The following FSTL5 variants were observed in gnomAD, a reference collection of about 807,000 sequenced individuals.
FSTL5 encodes follistatin like 5.
In FSTL5, 62 loss-of-function variants were observed where a neutral mutation model predicts 89.1. That is an observed-to-expected ratio of 0.70 (90% CI 0.57 to 0.86). The LOEUF (loss-of-function observed/expected upper bound fraction) is 0.86, where lower values mean the gene tolerates loss of function less well. Ranked by LOEUF, FSTL5 falls within the 40% of genes least tolerant of loss-of-function variation. FSTL5 has a pLI of 0.00. For missense variants in FSTL5, 1,057 were observed against 1,001.6 expected, an observed-to-expected ratio of 1.06 and a Z score of -0.75; for synonymous variants, 383 against 346.2, an observed-to-expected ratio of 1.11 and a Z score of -1.18.
chr4:161,543,041 A>T (rs2126545722), intron 8 of FSTL5, among the ~76,000 whole-genome samples: 1 of 152,102 alleles, frequency 6.6e-6, no homozygotes, highest in East Asian at 1.9e-4. Flanking sequence ...GCACTGAAAT[A>T]ATTAGTAATT....
At chr4:161,636,273 GTTTC>G (rs1451557886) in intron 7 of FSTL5, among the ~76,000 whole-genome samples, 1 of 151,972 alleles carries the variant, frequency 6.6e-6, no homozygotes, top group Admixed American at 6.6e-5. Flanking sequence ...CTATGAAACT[GTTTC>G]TTTATTTTGA....
chr4:161,478,045 A>G (rs984349521), intron 13 of FSTL5, among the ~76,000 whole-genome samples: 1 of 152,076 alleles, frequency 6.6e-6, no homozygotes, highest in Non-Finnish European at 1.5e-5. Context: ...ATACACACAC[A>G]TAAACTCACA....
chr4:161,606,307 G>A (rs185960392), intron 7 of FSTL5, among the ~76,000 whole-genome samples: 1,488 of 146,978 alleles, frequency 0.01, 10 homozygotes, highest in Non-Finnish European at 0.014. Flanking sequence ...GCAGTGGCGC[G>A]ATCCCGGCTC....
intron 7 of FSTL5, among the ~76,000 whole-genome samples, chr4:161,605,571 C>T (rs1017361366): frequency 3.9e-5 from 6 of 152,102 alleles, no homozygotes. Context: ...AGGAAACTGC[C>T]TCCAAGATTA....
chr4:161,979,550 T>C (rs1735756978), intron 3 of FSTL5, among the ~76,000 whole-genome samples: 2 of 152,096 alleles, frequency 1.3e-5, no homozygotes, highest in Non-Finnish European at 2.9e-5. Context: ...CTCTGTCTTC[T>C]CTCCCTCTTT....
At chr4:162,022,274 C>T (rs968805) in intron 3 of FSTL5, among the ~76,000 whole-genome samples, 151,732 of 151,992 alleles carry the variant, frequency 1, 75,736 homozygotes, top group Non-Finnish European at 1. Context: ...CTTCATATTA[C>T]AATTGCATTA....
At chr4:161,938,482 A>G (rs1405582003) in intron 3 of FSTL5, among the ~76,000 whole-genome samples, 1 of 152,094 alleles carries the variant, frequency 6.6e-6, no homozygotes, top group East Asian at 1.9e-4. Context: ...ATTCTTTTAA[A>G]ATACCATAAA....
chr4:161,414,970 C>T (rs1013822583), intron 15 of FSTL5, among the ~76,000 whole-genome samples: 5 of 152,042 alleles, frequency 3.3e-5, no homozygotes, highest in South Asian at 4.1e-4. Context: ...TTCTTTGACT[C>T]CTTTCTACTA....
At chr4:161,438,929 T>C (rs1732667985) in intron 15 of FSTL5, among the ~76,000 whole-genome samples, 1 of 151,950 alleles carries the variant, frequency 6.6e-6, no homozygotes, top group African/African-American at 2.4e-5. Flanking sequence ...GCTGGTATTA[T>C]ATGAAAGTGA....
intron 3 of FSTL5, among the ~76,000 whole-genome samples, chr4:161,980,432 G>A (rs2111045950): frequency 6.6e-6 from 1 of 152,100 alleles, no homozygotes; most frequent in South Asian, 2.1e-4. Context: ...ATGACACCCT[G>A]GCACATGTTC....
intron 6 of FSTL5, among the ~76,000 whole-genome samples, chr4:161,729,197 T>C (rs1739519298): frequency 6.6e-6 from 1 of 152,216 alleles, no homozygotes. Flanking sequence ...TCAAGGTATC[T>C]TTTTTAGAGA....
intron 4 of FSTL5, among the ~76,000 whole-genome samples, chr4:161,833,139 C>T (rs1384378647): frequency 4.0e-5 from 6 of 151,258 alleles, no homozygotes; most frequent in Non-Finnish European, 8.9e-5. Context: ...TCGTTATGTA[C>T]CCAGTAGTCA....
chr4:161,869,386 G>A (rs1732191111), intron 4 of FSTL5, among the ~76,000 whole-genome samples: 1 of 152,110 alleles, frequency 6.6e-6, no homozygotes, highest in Admixed American at 6.6e-5. Flanking sequence ...ATTACTAGTT[G>A]TGCGATCACA....
At chr4:161,421,772 G>T (rs547869201) in intron 15 of FSTL5, among the ~76,000 whole-genome samples, 2 of 152,268 alleles carry the variant, frequency 1.3e-5, no homozygotes, top group South Asian at 4.1e-4. Context: ...GCTTAAATTT[G>T]CTTTCAGCCT....
intron 7 of FSTL5, among the ~76,000 whole-genome samples, chr4:161,611,689 C>T (rs1734659697): frequency 6.6e-6 from 1 of 151,960 alleles, no homozygotes; most frequent in South Asian, 2.1e-4. Flanking sequence ...TTTTGTAGTG[C>T]AACAATTATG....
intron 4 of FSTL5, among the ~76,000 whole-genome samples, chr4:161,911,722 C>T (rs1438910081): frequency 6.6e-6 from 1 of 152,148 alleles, no homozygotes; most frequent in East Asian, 1.9e-4. Flanking sequence ...TAAACTAAAA[C>T]AATTAGCATA....
chr4:161,519,451 G>A (rs890462176), intron 10 of FSTL5, among the ~76,000 whole-genome samples: 4 of 152,058 alleles, frequency 2.6e-5, no homozygotes, highest in Admixed American at 1.3e-4. Context: ...GCCTGAACCC[G>A]GGAGGTGGAG....
intron 6 of FSTL5, among the ~76,000 whole-genome samples, chr4:161,679,386 T>C (rs1264747477): frequency 1.3e-5 from 2 of 151,718 alleles, no homozygotes; most frequent in East Asian, 3.8e-4. Context: ...TTAAGATTAT[T>C]ATTCTACTTT....
intron 7 of FSTL5, among the ~76,000 whole-genome samples, chr4:161,639,633 A>G (rs1023966076): frequency 1.3e-5 from 2 of 152,144 alleles, no homozygotes; most frequent in African/African-American, 4.8e-5. Flanking sequence ...TTTAAATTCT[A>G]GAGTCTGTAG....
Sources: allele counts gnomAD v4.1 joint callset (sites outside exome capture counted in the v4.1 genomes callset), GRCh38; gene constraint gnomAD v4.1.1; transcripts MANE v1.5; gene names NCBI Gene and HGNC (gene_info 2026-07-23, HGNC 2026-07-21).